Variants in KATNIP observed in about 807,000 individuals in gnomAD.
The protein encoded by KATNIP is katanin-interacting protein.
KATNIP carries 126 observed loss-of-function variants against 174.0 expected under a neutral mutation model. The observed-to-expected ratio is 0.72, with a 90% CI of 0.63 to 0.84. The LOEUF (loss-of-function observed/expected upper bound fraction) is 0.84, where lower values mean the gene tolerates loss of function less well. Ranked by LOEUF, KATNIP falls within the 40% of genes least tolerant of loss-of-function variation. The pLI is 0.00. For missense variants in KATNIP, 1,958 were observed against 2,109.7 expected (o/e 0.93, Z 1.41); for synonymous variants, 810 against 835.7 (o/e 0.97, Z 0.53).
intron 15 of KATNIP, among the ~76,000 whole-genome samples, chr16:27,745,818 T>G (rs1007628941): frequency 6.6e-6 from 1 of 152,154 alleles, no homozygotes; most frequent in Admixed American, 6.5e-5. Context: ...GTAGAAATGT[T>G]GGTGACAACA....
rs567431649 is a variant in KATNIP, at chr16:27,724,759, T to A, written c.1743+3064T>A. Among the ~76,000 whole-genome samples, 63 of 152,356 alleles carry A rather than the reference T, an allele frequency of 4.1e-4. 1 individual carries two copies. Among genetic ancestry groups the A allele is most frequent in the African/African-American group, 1.5e-3 (62 of 41,578 alleles). ...CAGAGGATGCTATTACTGTGTGTTT[T>A]AGAGGAGATAAAATGAGAGTTTATA... On this transcript the variant is annotated intron_variant, in intron 14 of 27. Transcript: ENST00000261588.
intron 3 of KATNIP, among the ~76,000 whole-genome samples, chr16:27,625,035 G>A (rs1012996251): frequency 1.3e-5 from 2 of 152,132 alleles, no homozygotes; most frequent in Admixed American, 6.5e-5. Flanking sequence ...GGAAGAGTTC[G>A]ATTTTAGATA....
rs759916716 is a variant in KATNIP at position 27,618,521 on chromosome 16, G to A, written c.140+20G>A. On this transcript the variant is annotated intron_variant, in intron 3 of 27. Transcript: ENST00000261588. Reference sequence around the variant, plus strand: ...GAACCGGTAAGAGAAGCCACTCGACGGCAGCCCTTGATATTAGCGAAGTAA... The same window carrying A: ...GAACCGGTAAGAGAAGCCACTCGACAGCAGCCCTTGATATTAGCGAAGTAA... The A allele has an allele frequency of 2.4e-5, 38 of 1,551,382 alleles. No homozygotes were observed. Among genetic ancestry groups the A allele is most frequent in the African/African-American group, 1.9e-4 (14 of 73,632 alleles).
At chr16:27,765,678 T>C (rs902352583) in intron 19 of KATNIP, among the ~76,000 whole-genome samples, 22 of 152,230 alleles carry the variant, frequency 1.4e-4, no homozygotes, top group African/African-American at 5.3e-4. Flanking sequence ...GTTTGGAAAC[T>C]TGAGAAAAAT....
At chr16:27,725,061 C>T (rs2080390133) in intron 14 of KATNIP, among the ~76,000 whole-genome samples, 1 of 152,118 alleles carries the variant, frequency 6.6e-6, no homozygotes, top group Admixed American at 6.6e-5. Context: ...GAAGTGAGGA[C>T]GTGGAGGCTG....
chr16:27,742,660 A>G (rs2081152846), intron 15 of KATNIP, among the ~76,000 whole-genome samples: 1 of 152,166 alleles, frequency 6.6e-6, no homozygotes, highest in African/African-American at 2.4e-5. Context: ...CTAATAATAC[A>G]TGGGGTGCTG....
intron 1 of KATNIP, among the ~76,000 whole-genome samples, chr16:27,550,677 T>A (rs921014641): frequency 1.3e-5 from 2 of 152,188 alleles, no homozygotes; most frequent in African/African-American, 4.8e-5. Flanking sequence ...AAGAACTCTG[T>A]AAGTACTCTT....
At chr16:27,640,010 C>T (rs2076746899) in intron 5 of KATNIP, among the ~76,000 whole-genome samples, 1 of 152,206 alleles carries the variant, frequency 6.6e-6, no homozygotes, top group African/African-American at 2.4e-5. Context: ...CAGCCCCCAG[C>T]CTTGCTCTTT....
At chr16:27,667,757 T>G (rs1271361915) in intron 6 of KATNIP, among the ~76,000 whole-genome samples, 1 of 152,180 alleles carries the variant, frequency 6.6e-6, no homozygotes, top group African/African-American at 2.4e-5. Flanking sequence ...TCATCAAAAT[T>G]TTAAATTTTC....
At chr16:27,680,023 C>T (rs1254055194) in intron 7 of KATNIP, among the ~76,000 whole-genome samples, 1 of 152,106 alleles carries the variant, frequency 6.6e-6, no homozygotes, top group Non-Finnish European at 1.5e-5. Flanking sequence ...TTCACACTCC[C>T]ACCACATCCA....
chr16:27,745,371 G>C (rs868169302), intron 15 of KATNIP, among the ~76,000 whole-genome samples: 2 of 152,322 alleles, frequency 1.3e-5, no homozygotes, highest in South Asian at 2.1e-4. Context: ...CACGATATCA[G>C]CTTTCTCTGC....
chr16:27,660,528 A>G (rs2077439408), intron 6 of KATNIP, among the ~76,000 whole-genome samples: 1 of 152,134 alleles, frequency 6.6e-6, no homozygotes, highest in Admixed American at 6.6e-5. Context: ...CAGCCTGGGC[A>G]ACAGAGCAAG....
At chr16:27,681,584 C>T (rs2078344739) in intron 8 of KATNIP, 54 bp downstream of exon 8, 6 of 1,607,308 alleles carry the variant, frequency 3.7e-6, no homozygotes, top group African/African-American at 1.3e-5. Context: ...CTGGGTCACT[C>T]TCTGGGGTGC....
At chr16:27,660,216 C>T (rs2077426068) in intron 6 of KATNIP, among the ~76,000 whole-genome samples, 1 of 152,126 alleles carries the variant, frequency 6.6e-6, no homozygotes, top group African/African-American at 2.4e-5. Context: ...AATCGTAAAT[C>T]CTAGGTATGG....
intron 2 of KATNIP, among the ~76,000 whole-genome samples, chr16:27,617,895 G>T (rs2076087735): frequency 6.6e-6 from 1 of 151,914 alleles, no homozygotes; most frequent in African/African-American, 2.4e-5. Flanking sequence ...CACCACCCAG[G>T]CCTGGCTAAT....
intron 6 of KATNIP, among the ~76,000 whole-genome samples, chr16:27,667,850 T>TA (rs2077738789): frequency 6.6e-6 from 1 of 152,218 alleles, no homozygotes; most frequent in Admixed American, 6.5e-5. Flanking sequence ...CAGCAGCCTT[T>TA]TTTTTGTGAG....
intron 19 of KATNIP, among the ~76,000 whole-genome samples, chr16:27,763,760 G>A (rs2144075225): frequency 6.6e-6 from 1 of 152,260 alleles, no homozygotes; most frequent in Middle Eastern, 3.4e-3. Flanking sequence ...TAAGGTCTAT[G>A]TGTTGTGATT....
In KATNIP at chr16:27,773,081, C is replaced by T. The variant is rs1185864545; in HGVS notation, c.4199-18C>T. 2 of 1,485,810 alleles carry T rather than the reference C, an allele frequency of 1.3e-6. No individual in the cohort carries two copies. The allele number at this position is 1,485,810 out of a possible 1,614,324, so 92.0% of individuals were successfully genotyped here. On this transcript the variant is annotated intron_variant, in intron 22 of 27. Transcript: ENST00000261588. ...AAAAAAAAAATTAAGCCTTCTTTTC[C>T]TTAATAAAGTGTCCCAGTCATTTTC...
intron 2 of KATNIP, among the ~76,000 whole-genome samples, chr16:27,602,730 G>A (rs148493107): frequency 2.2e-4 from 34 of 151,904 alleles, no homozygotes; most frequent in East Asian, 7.7e-4. Flanking sequence ...ACAGATTCTC[G>A]CTCTGTTGCC....
Sources: allele counts gnomAD v4.1 joint callset (sites outside exome capture counted in the v4.1 genomes callset), GRCh38; gene constraint gnomAD v4.1.1; transcripts MANE v1.5; gene names NCBI Gene and HGNC (gene_info 2026-07-23, HGNC 2026-07-21).